Variants in CPXM2 observed in about 807,000 individuals in gnomAD.
CPXM2 encodes the protein inactive carboxypeptidase-like protein X2.
Under a neutral mutation model 86.1 loss-of-function variants are expected in CPXM2, and 66 were observed. The observed-to-expected ratio is 0.77, with a 90% CI of 0.63 to 0.94. The LOEUF (loss-of-function observed/expected upper bound fraction) is 0.94, where lower values mean the gene tolerates loss of function less well. Among genes scored for constraint, CPXM2 ranks in the 40% least tolerant of loss-of-function variants. The pLI is 0.00. For missense variants in CPXM2, 948 were observed against 1,026.3 expected (o/e 0.92, Z 1.04); for synonymous variants, 388 against 400.2 (o/e 0.97, Z 0.36).
chr10:123,799,060 C>A (rs1308733002), intron 5 of CPXM2, 55 bp downstream of exon 5: 1 of 1,603,390 alleles, frequency 6.2e-7, no homozygotes, highest in Non-Finnish European at 8.5e-7. Flanking sequence ...CCTCTCTTTG[C>A]AAAACCCCAC....
chr10:123,745,828 A>G lies in CPXM2; in HGVS notation c.*936T>C, dbSNP rs1359552864. 6.6e-6 allele frequency: 1 copy of G among 152,006 alleles called. No homozygotes were observed. The highest frequency in any genetic ancestry group is 2.4e-5 in the African/African-American group (1 of 41,374). 9.4% of individuals were successfully genotyped at this position (152,006 alleles called of 1,614,324 possible). ...TAATCTGGAAGATCTGGCATTCTAC[A>G]TATCAAAAATAACTCCCAGGCTGAT... On this transcript the variant is annotated 3_prime_UTR_variant, in exon 14 of 14. Coordinates refer to ENST00000241305, the MANE Select transcript of CPXM2 (RefSeq NM_198148.3).
chr10:123,888,233 T>A (rs1184323318), intron 1 of CPXM2, among the ~76,000 whole-genome samples: 4 of 152,352 alleles, frequency 2.6e-5, no homozygotes, highest in Non-Finnish European at 5.9e-5. Flanking sequence ...GCTGAATACA[T>A]CTTTCCTTGC....
At chr10:123,808,544 G>A (rs1327567485) in intron 4 of CPXM2, among the ~76,000 whole-genome samples, 3 of 152,142 alleles carry the variant, frequency 2.0e-5, no homozygotes, top group Non-Finnish European at 4.4e-5. Context: ...ACTTTTCCAG[G>A]ACTCTCAAAA....
chr10:123,863,709 C>G (rs547503740), intron 2 of CPXM2, among the ~76,000 whole-genome samples: 1 of 152,172 alleles, frequency 6.6e-6, no homozygotes, highest in Non-Finnish European at 1.5e-5. Flanking sequence ...CCTCATAGAA[C>G]CTTCTCATGC....
intron 5 of CPXM2, among the ~76,000 whole-genome samples, chr10:123,798,417 GA>G (rs1346869182): frequency 6.6e-6 from 1 of 152,180 alleles, no homozygotes; most frequent in African/African-American, 2.4e-5. Context: ...TCAGAAGATG[GA>G]GAGGACCAGG....
At chr10:123,796,694 G>T (rs1255547279) in intron 6 of CPXM2, among the ~76,000 whole-genome samples, 2 of 152,180 alleles carry the variant, frequency 1.3e-5, no homozygotes, top group African/African-American at 2.4e-5. Flanking sequence ...TGAAGAGGGG[G>T]TTACTACAGA....
chr10:123,880,784 G>A (rs928088527), intron 1 of CPXM2, among the ~76,000 whole-genome samples: 2 of 130,130 alleles, frequency 1.5e-5, no homozygotes, highest in African/African-American at 6.1e-5. Flanking sequence ...AGACGAGATT[G>A]CGCCACTGCA....
chr10:123,804,939 C>T (rs1056968533), intron 4 of CPXM2, among the ~76,000 whole-genome samples: 4 of 151,944 alleles, frequency 2.6e-5, no homozygotes, highest in Admixed American at 6.6e-5. Context: ...TTCAGCTAGT[C>T]GACTGTGTAA....
chr10:123,857,714 C>T (rs550275309), intron 3 of CPXM2, among the ~76,000 whole-genome samples: 79 of 152,206 alleles, frequency 5.2e-4, no homozygotes, highest in African/African-American at 1.8e-3. Context: ...TAGGGCAAAA[C>T]GGAGAAGAAC....
chr10:123,907,564 C>A (rs1945454109), intron 2 of CPXM2, among the ~76,000 whole-genome samples: 1 of 149,926 alleles, frequency 6.7e-6, no homozygotes, highest in Admixed American at 6.7e-5. Context: ...ACTTAGGTGA[C>A]ACGGCACCAT....
intron 4 of CPXM2, among the ~76,000 whole-genome samples, chr10:123,831,659 C>T (rs915633373): frequency 1.6e-4 from 24 of 151,954 alleles, no homozygotes; most frequent in African/African-American, 5.1e-4. Context: ...TGCAGGCCAC[C>T]CCTGCCTTGT....
intron 2 of CPXM2, among the ~76,000 whole-genome samples, chr10:123,938,328 T>C (rs558377085): frequency 6.6e-6 from 1 of 152,338 alleles, no homozygotes; most frequent in East Asian, 1.9e-4. Flanking sequence ...CAGTTCCTTA[T>C]ATCATGAAGC....
Position 123,824,545 on chromosome 10 carries a change from A to G in CPXM2, c.653+17804T>C, listed in dbSNP as rs1590039630. On this transcript the variant is annotated intron_variant, in intron 4 of 13. Coordinates refer to ENST00000241305, the MANE Select transcript of CPXM2 (RefSeq NM_198148.3). ...GAGTGAGCAAAATCCACACCATGAG[A>G]GTTGTATATTCTCAAGACCAGCTGG... Among the ~76,000 whole-genome samples, 3 of 152,218 alleles carry G rather than the reference A, an allele frequency of 2.0e-5. No individual in the cohort carries two copies. In the East Asian group the frequency reaches 5.8e-4, roughly 30 times the overall value.
chr10:123,931,550 T>G (rs1945666442), intron 2 of CPXM2: 1 of 152,176 alleles, frequency 6.6e-6, no homozygotes, highest in Non-Finnish European at 1.5e-5. Flanking sequence ...GATGATGGGC[T>G]TTTCTTATTG....
In CPXM2 at chr10:123,746,824, G is replaced by A. The variant is rs766911329; in HGVS notation, c.2211C>T (p.Pro737=). The change falls in exon 14 of 14, where the codon CCC becomes CCT. Residue 737 remains proline (P), a synonymous_variant. Transcript: ENST00000241305. ...TCAGCCGCCTGGCTGGCAGGCTGAC[G>A]GGCTGCTTCCCAAACTTCTCCATGA... is the stretch of plus-strand genomic sequence containing the variant. ...REIMEKFGKQ[P]VSLPARRLKL... 9.3e-6 allele frequency: 15 copies of A among 1,614,142 alleles called. No homozygotes were observed. Among genetic ancestry groups the A allele is most frequent in the Middle Eastern group, 1.6e-4 (1 of 6,062 alleles).
intron 4 of CPXM2, among the ~76,000 whole-genome samples, chr10:123,804,423 C>A (rs1187019504): frequency 6.6e-6 from 1 of 152,020 alleles, no homozygotes; most frequent in Non-Finnish European, 1.5e-5. Flanking sequence ...TTTTATTTAT[C>A]TTTTGCTAGC....
intron 4 of CPXM2, among the ~76,000 whole-genome samples, chr10:123,808,851 T>C (rs765390655): frequency 9.2e-5 from 14 of 152,190 alleles, no homozygotes; most frequent in Non-Finnish European, 1.8e-4. Context: ...CAAAGATTTA[T>C]ATAGTACCTA....
rs1564810405 is a variant in CPXM2 at position 123,880,210 on chromosome 10, C to T, written c.403+1G>A. On this transcript the variant is annotated splice_donor_variant, in intron 2 of 13. Transcript: ENST00000241305. LOFTEE classifies it high-confidence loss of function. Reference sequence around the variant, plus strand: ...AGGGGCTCTCCGAGAGCCTCACTTACTCTCTCTGACATCTTCACGGGCCAC... The same window carrying T: ...AGGGGCTCTCCGAGAGCCTCACTTATTCTCTCTGACATCTTCACGGGCCAC... 4.7e-6 allele frequency: 6 copies of T among 1,268,670 alleles called. No homozygotes were observed. The highest frequency in any genetic ancestry group is 6.5e-6 in the Non-Finnish European group (6 of 918,086). 78.6% of individuals were successfully genotyped at this position (1,268,670 alleles called of 1,614,324 possible). A position where few individuals can be genotyped will look rare whatever the true frequency, so the allele number is the denominator to read the frequency against.
chr10:123,927,652 C>G (rs566049138), intron 2 of CPXM2, among the ~76,000 whole-genome samples: 1 of 152,346 alleles, frequency 6.6e-6, no homozygotes, highest in South Asian at 2.1e-4. Flanking sequence ...GGGCTCCCAA[C>G]TGCACCTGGT....
Sources: allele counts gnomAD v4.1 joint callset (sites outside exome capture counted in the v4.1 genomes callset), GRCh38; gene constraint gnomAD v4.1.1; transcripts MANE v1.5; gene names NCBI Gene and HGNC (gene_info 2026-07-23, HGNC 2026-07-21).